MED13L: variants seen among roughly 807,000 people sequenced by gnomAD.
MED13L encodes mediator of RNA polymerase II transcription subunit 13-like.
In MED13L, 7 loss-of-function variants were observed where a neutral mutation model predicts 220.9. The ratio of observed to expected loss-of-function variants is 0.03; its 90% CI spans 0.02 to 0.06. The LOEUF (loss-of-function observed/expected upper bound fraction) is 0.06. Ranked by LOEUF, MED13L falls within the 10% of genes least tolerant of loss-of-function variation. MED13L has a pLI of 1.00. For synonymous variants in MED13L, 1,011 were observed against 1,015.2 expected, an observed-to-expected ratio of 1.00 and a Z score of 0.08; for missense variants, 1,965 against 2,760.5, an observed-to-expected ratio of 0.71 and a Z score of 6.46.
At chr12:116,190,537 T>G (rs766209623) in intron 2 of MED13L, among the ~76,000 whole-genome samples, 2 of 152,212 alleles carry the variant, frequency 1.3e-5, no homozygotes, top group African/African-American at 2.4e-5. Flanking sequence ...ATCAACAGCT[T>G]CAAGCCCTAT....
At chr12:116,142,878 A>G (rs1228151103) in intron 2 of MED13L, among the ~76,000 whole-genome samples, 2 of 152,230 alleles carry the variant, frequency 1.3e-5, no homozygotes, top group African/African-American at 4.8e-5. Context: ...ATTTAAAACT[A>G]TTCTTACAGT....
At chr12:116,276,486 G>A (rs1478425853) in intron 1 of MED13L, 6 of 1,288,244 alleles carry the variant, frequency 4.7e-6, no homozygotes, top group Admixed American at 2.3e-5. Context: ...AGCCCCGAGA[G>A]GCAGGCGGCT....
chr12:115,961,488 A>T (rs1329303199), intron 30 of MED13L, 90 bp from the exon 31 acceptor site: 1 of 1,548,868 alleles, frequency 6.5e-7, no homozygotes, highest in South Asian at 1.1e-5. Context: ...CTTAGCAGGA[A>T]GGAGGTCTCA....
At chr12:116,007,266 A>G (rs1237310443) in intron 11 of MED13L, 145 bp downstream of exon 11, 2 of 768,940 alleles carry the variant, frequency 2.6e-6, no homozygotes, top group African/African-American at 1.7e-5. Context: ...TGTTCAATAC[A>G]ATAGTACCAA....
At chr12:116,255,776 T>G (rs1233328429) in intron 1 of MED13L, among the ~76,000 whole-genome samples, 1 of 152,238 alleles carries the variant, frequency 6.6e-6, no homozygotes, top group Non-Finnish European at 1.5e-5. Context: ...AAACTTCATC[T>G]GTTATCAAAA....
intron 4 of MED13L, among the ~76,000 whole-genome samples, chr12:116,085,754 T>A (rs200013650): frequency 0.13 from 18,774 of 146,800 alleles, 1,430 homozygotes; most frequent in Non-Finnish European, 0.16. Flanking sequence ...TTAAAATCAC[T>A]CACACACACA....
At chr12:116,217,977 T>A (rs1883101148) in intron 2 of MED13L, among the ~76,000 whole-genome samples, 1 of 152,184 alleles carries the variant, frequency 6.6e-6, no homozygotes, top group Non-Finnish European at 1.5e-5. Flanking sequence ...ACTAACCATG[T>A]CTTTCCCAGC....
intron 2 of MED13L, among the ~76,000 whole-genome samples, chr12:116,164,057 C>A (rs7960933): frequency 0.41 from 62,688 of 151,920 alleles, 13,157 homozygotes; most frequent in South Asian, 0.48. Context: ...CAGAATATTT[C>A]CCAGAAATTT....
chr12:116,006,489 T>C, intron 11 of MED13L, 78 bp from the exon 12 acceptor site: 1 of 1,130,044 alleles, frequency 8.8e-7, no homozygotes, highest in Non-Finnish European at 1.3e-6. Flanking sequence ...CACAAAGAAT[T>C]AGAGGGTAGA....
At chr12:116,043,522 A>G (rs1881659562) in intron 4 of MED13L, among the ~76,000 whole-genome samples, 1 of 152,250 alleles carries the variant, frequency 6.6e-6, no homozygotes, top group African/African-American at 2.4e-5. Context: ...GAAATGCATT[A>G]TCAGAGAAAT....
intron 4 of MED13L, among the ~76,000 whole-genome samples, chr12:116,048,670 C>T (rs1247986568): frequency 6.6e-6 from 1 of 151,388 alleles, no homozygotes; most frequent in African/African-American, 2.4e-5. Context: ...TTTTAATATG[C>T]AGAAAAACTC....
chr12:116,104,883 G>A (rs886257323), intron 3 of MED13L, among the ~76,000 whole-genome samples: 2 of 152,154 alleles, frequency 1.3e-5, no homozygotes, highest in South Asian at 2.1e-4. Flanking sequence ...CTAGAAAAGC[G>A]AGATTTTCCT....
chr12:116,026,705 T>C (rs551911768), intron 4 of MED13L, among the ~76,000 whole-genome samples: 1 of 152,318 alleles, frequency 6.6e-6, no homozygotes, highest in South Asian at 2.1e-4. Context: ...TCTAAGATCA[T>C]GTAAAACAAG....
In MED13L at chr12:116,178,031, CTTGT is replaced by C. The variant is rs367971646; in HGVS notation, c.310+59433_310+59436del. Among the ~76,000 whole-genome samples the C allele has an allele frequency of 1.8e-3, 266 of 151,860 alleles. 5 individuals are homozygous for C. Among genetic ancestry groups the C allele is most frequent in the South Asian group, 4.4e-3 (21 of 4,806 alleles). ...TCCCAATACCCCGCTTTTTTGTTTG[CTTGT>C]TTGTTTGTTTGTTTGTTTGTTTTGG... On this transcript the variant is annotated intron_variant, in intron 2 of 30. Coordinates refer to ENST00000281928, the MANE Select transcript of MED13L (RefSeq NM_015335.5).
chr12:116,233,011 C>T (rs541078331), intron 2 of MED13L, among the ~76,000 whole-genome samples: 7 of 150,356 alleles, frequency 4.7e-5, no homozygotes, highest in African/African-American at 1.5e-4. Flanking sequence ...CATTTGAACC[C>T]GGGAGGCAGA....
At chr12:116,229,907 A>G (rs1869389759) in intron 2 of MED13L, among the ~76,000 whole-genome samples, 1 of 152,218 alleles carries the variant, frequency 6.6e-6, no homozygotes, top group African/African-American at 2.4e-5. Flanking sequence ...GAAAAACAGA[A>G]CAGTAATGTA....
At chr12:116,139,388 G>A (rs560446500) in intron 2 of MED13L, among the ~76,000 whole-genome samples, 2 of 152,170 alleles carry the variant, frequency 1.3e-5, no homozygotes, top group East Asian at 3.9e-4. Context: ...TTTTTTCAAA[G>A]AAGGGTATCA....
chr12:116,207,120 G>C (rs1048879227), intron 2 of MED13L, among the ~76,000 whole-genome samples: 4 of 151,710 alleles, frequency 2.6e-5, no homozygotes, highest in African/African-American at 9.7e-5. Flanking sequence ...GATGATGGTG[G>C]TCCCATAATA....
intron 2 of MED13L, among the ~76,000 whole-genome samples, chr12:116,209,103 A>G (rs1882533956): frequency 6.6e-6 from 1 of 152,204 alleles, no homozygotes; most frequent in African/African-American, 2.4e-5. Flanking sequence ...TTCAATTAAT[A>G]TATCTTTATA....
Sources: allele counts gnomAD v4.1 joint callset (sites outside exome capture counted in the v4.1 genomes callset), GRCh38; gene constraint gnomAD v4.1.1; transcripts MANE v1.5; gene names NCBI Gene and HGNC (gene_info 2026-07-23, HGNC 2026-07-21).